The following IRF6 variants were observed in gnomAD, a reference collection of about 807,000 sequenced individuals.
The protein encoded by IRF6 is Van der Woude syndrome.
IRF6 carries 6 observed loss-of-function variants against 51.4 expected under a neutral mutation model. That is an observed-to-expected ratio of 0.12 (90% CI 0.06 to 0.23). The LOEUF (loss-of-function observed/expected upper bound fraction) is 0.23. Among genes scored for constraint, IRF6 ranks in the 10% least tolerant of loss-of-function variants. The probability of loss-of-function intolerance (pLI) is 1.00; values close to 1 mark genes in which losing one functional copy is unlikely to be tolerated. For missense variants in IRF6, 348 were observed against 585.2 expected (o/e 0.59, Z 4.18); for synonymous variants, 178 against 215.7 (o/e 0.83, Z 1.53).
chr1:209,801,447 G>A (rs1212143454), intron 2 of IRF6, 31 bp from the exon 3 acceptor site: 1 of 1,534,848 alleles, frequency 6.5e-7, no homozygotes, highest in Non-Finnish European at 8.8e-7. Context: ...AATGGGAAGA[G>A]CAGAAGAATT....
At chr1:209,788,690 T>A in intron 8 of IRF6, 46 bp from the exon 9 acceptor site, 2 of 1,497,922 alleles carry the variant, frequency 1.3e-6, no homozygotes, top group Non-Finnish European at 1.9e-6. Context: ...GGAAAAGGTA[T>A]TTTTAAATAG....
chr1:209,796,667 ACACACACAC>A lies in IRF6; in HGVS notation c.175-124_175-116del, dbSNP rs1414998123. On this transcript the variant is annotated intron_variant, in intron 3 of 8. Transcript: ENST00000367021. This position sits in a 1 kb window ranked among gnomAD's most constrained non-coding sequence, Gnocchi z 4.5. ...CACACACACACACACACACACACAC[ACACACACAC>A]AACTTTTGCATGACTGCCCCATCAT... 1 of 801,986 alleles carries A rather than the reference ACACACACAC, an allele frequency of 1.2e-6. No homozygotes were observed. The highest frequency in any genetic ancestry group is 1.5e-5 in the South Asian group (1 of 67,102). 49.7% of individuals were successfully genotyped at this position (801,986 alleles called of 1,614,324 possible).
At chr1:209,801,508 T>C (rs910530586) in intron 2 of IRF6, 92 bp from the exon 3 acceptor site, 12 of 1,019,788 alleles carry the variant, frequency 1.2e-5, no homozygotes, top group Non-Finnish European at 1.6e-5. Context: ...CTACTAGAGC[T>C]ACAGTTTCAC....
chr1:209,787,728 C>T lies in IRF6; in HGVS notation c.*692G>A, dbSNP rs1251715992. ...TGTGTCAACAGCTTCCCTTTAGAAG[C>T]CAAATTTGTGAGCTTTCACTCCACA... On this transcript the variant is annotated 3_prime_UTR_variant, in exon 9 of 9. Transcript: ENST00000367021. 1 of 152,142 alleles carries T rather than the reference C, an allele frequency of 6.6e-6. No individual in the cohort carries two copies. The highest frequency in any genetic ancestry group is 2.4e-5 in the African/African-American group (1 of 41,346). 9.4% of individuals were successfully genotyped at this position (152,142 alleles called of 1,614,324 possible).
intron 5 of IRF6, among the ~76,000 whole-genome samples, chr1:209,794,780 GC>G: frequency 6.6e-6 from 1 of 152,308 alleles, no homozygotes; most frequent in South Asian, 2.1e-4. Flanking sequence ...GGATTCAAAA[GC>G]CCATAAAAGA....
chr1:209,792,563 A>C, intron 5 of IRF6, 136 bp from the exon 6 acceptor site: 2 of 848,042 alleles, frequency 2.4e-6, no homozygotes, highest in Non-Finnish European at 3.8e-6. Context: ...CCAGCCCATC[A>C]GTGATTCCCA....
intron 1 of IRF6, among the ~76,000 whole-genome samples, chr1:209,804,424 C>T (rs1032041726): frequency 1.8e-4 from 28 of 152,114 alleles, no homozygotes; most frequent in Non-Finnish European, 3.8e-4. Context: ...ATCCCAGCAG[C>T]ATAGAGGGCC....
At position 209,796,852 on chromosome 1, in the gene IRF6, G is replaced by A. The variant is rs542390998; in HGVS notation, c.175-300C>T. ...CACTGGTACCGGCACTCATCAAGAC[G>A]ACAATGCTCTAATGAAGGGCTGAAG... On this transcript the variant is annotated intron_variant, in intron 3 of 8. Transcript: ENST00000367021. This position sits in a 1 kb window ranked among gnomAD's most constrained non-coding sequence, Gnocchi z 4.5. Among the ~76,000 whole-genome samples the A allele has an allele frequency of 9.2e-5, 14 of 152,312 alleles. No individual in the cohort carries two copies. The highest frequency in any genetic ancestry group is 2.9e-4 in the African/African-American group (12 of 41,572).
At chr1:209,799,467 A>G (rs1238229893) in intron 3 of IRF6, among the ~76,000 whole-genome samples, 2 of 152,216 alleles carry the variant, frequency 1.3e-5, no homozygotes, top group Non-Finnish European at 1.5e-5. Flanking sequence ...ACAGACACCC[A>G]TTTAATGTTA....
chr1:209,802,598 G>A (rs1010769503), intron 1 of IRF6, among the ~76,000 whole-genome samples: 5 of 152,140 alleles, frequency 3.3e-5, no homozygotes, highest in Non-Finnish European at 7.4e-5. Flanking sequence ...TGCCAAGCAC[G>A]GTGTTAGTTA....
intron 1 of IRF6, among the ~76,000 whole-genome samples, chr1:209,804,273 T>C (rs529697918): frequency 1.3e-5 from 2 of 152,346 alleles, no homozygotes; most frequent in South Asian, 4.1e-4. Flanking sequence ...GTGATATTAC[T>C]ATCCCCATTT....
Position 209,787,058 on chromosome 1 carries a change from TA to T in IRF6, c.*1361del, listed in dbSNP as rs199611052. The T allele has an allele frequency of 1.7e-4, 26 of 149,198 alleles. No individual in the cohort carries two copies. The highest frequency in any genetic ancestry group is 3.1e-3 in the Middle Eastern group (1 of 318). 9.2% of individuals were successfully genotyped at this position (149,198 alleles called of 1,614,324 possible). A position where few individuals can be genotyped will look rare whatever the true frequency, so the allele number is the denominator to read the frequency against. On this transcript the variant is annotated 3_prime_UTR_variant, in exon 9 of 9. Transcript: ENST00000367021. ...TAGCAAGACCTCATCTCTACAAAAA[TA>T]AAAAAAAAATTAGCCAAGCATCATA...
chr1:209,803,211 C>A (rs114151975), intron 1 of IRF6, among the ~76,000 whole-genome samples: 2,104 of 152,252 alleles, frequency 0.014, 45 homozygotes, highest in African/African-American at 0.048. Context: ...GCTCCCCAGT[C>A]CTATCACTAC....
chr1:209,795,508 GC>G, intron 4 of IRF6, 90 bp from the exon 5 acceptor site: 1 of 1,589,902 alleles, frequency 6.3e-7, no homozygotes. Context: ...GGGACTGCTA[GC>G]CCAGAGGCTC....
At chr1:209,802,297 T>C (rs1157327915) in intron 1 of IRF6, 1 of 152,238 alleles carries the variant, frequency 6.6e-6, no homozygotes, top group African/African-American at 2.4e-5. Flanking sequence ...CAGTGAAGGC[T>C]GGAGTGAACC....
intron 3 of IRF6, among the ~76,000 whole-genome samples, chr1:209,800,586 G>A (rs755867897): frequency 5.1e-4 from 78 of 152,050 alleles, no homozygotes; most frequent in African/African-American, 1.7e-3. Context: ...GTGAAACCCC[G>A]TCTCTACAGA....
Position 209,788,463 on chromosome 1 carries a change from G to C in IRF6, c.1361C>G (p.Pro454Arg). The change falls in exon 9 of 9, where the codon CCC becomes CGC. Residue 454 changes from proline (P) to arginine (R), a missense_variant. Around this residue, in one of 5 missense-constraint regions of IRF6, gnomAD observed 48 missense variants for 66.9 expected, o/e 0.72. Transcript: ENST00000367021. ...AGGGGGCAGTTGCATGCTGGGGGTG[G>C]GCTGCATGGGCTGCCAGCTCTCCTG... ...QTQESWQPMQPTPSMQLPPAL... is the reference protein window; with the variant it reads ...QTQESWQPMQRTPSMQLPPAL... The C allele has an allele frequency of 1.4e-5, 22 of 1,613,942 alleles. No homozygotes were observed. Among genetic ancestry groups the C allele is most frequent in the Non-Finnish European group, 1.9e-5 (22 of 1,179,950 alleles).
At chr1:209,803,643 C>T (rs1558043584) in intron 1 of IRF6, among the ~76,000 whole-genome samples, 1 of 152,222 alleles carries the variant, frequency 6.6e-6, no homozygotes, top group Admixed American at 6.5e-5. Flanking sequence ...GCCTCTCTCA[C>T]TGTAAACCCT....
Position 209,790,829 on chromosome 1 carries a change from G to C in IRF6, c.726C>G (p.Thr242=), listed in dbSNP as rs115610019. 3.1e-6 allele frequency: 5 copies of C among 1,613,752 alleles called. No individual in the cohort carries two copies. In the South Asian group the frequency reaches 5.5e-5, roughly 18 times the overall value. ...YRGKEYGQTM[T]VSNPQGCRLF... is the part of the protein sequence containing the mutation. ...GTCGGCAGCCCTGAGGGTTGCTCACGGTCATGGTCTGCCCGTACTCCTTCC... is the reference window on the plus strand; with the variant it reads ...GTCGGCAGCCCTGAGGGTTGCTCACCGTCATGGTCTGCCCGTACTCCTTCC... Residue 242 remains threonine, a synonymous_variant, in exon 7 of 9, where the codon ACC becomes ACG. Transcript: ENST00000367021. This position sits in a 1 kb window ranked among gnomAD's most constrained non-coding sequence, Gnocchi z 4.8.
Sources: allele counts gnomAD v4.1 joint callset (sites outside exome capture counted in the v4.1 genomes callset), GRCh38; gene constraint gnomAD v4.1.1; regional missense constraint gnomAD v4.1.1; non-coding constraint Gnocchi (gnomAD v3.1); transcripts MANE v1.5; gene names NCBI Gene and HGNC (gene_info 2026-07-23, HGNC 2026-07-21).